The following AZIN2 variants were observed in gnomAD, a reference collection of about 807,000 sequenced individuals.
AZIN2 encodes antizyme inhibitor 2, also known as ODC antizyme inhibitor-2.
Under a neutral mutation model 47.8 loss-of-function variants are expected in AZIN2, and 28 were observed. The observed-to-expected ratio is 0.59, with a 90% CI of 0.43 to 0.80. AZIN2 has a LOEUF of 0.80. AZIN2 is among the 30% of genes least tolerant of loss of function. The pLI, the probability that AZIN2 is intolerant of heterozygous loss-of-function variation, is 0.00. For synonymous variants in AZIN2, 221 were observed against 239.4 expected (o/e 0.92, Z 0.71); for missense variants, 535 against 582.5 (o/e 0.92, Z 0.84).
chr1:33,082,095 A>C, intron 3 of AZIN2, 83 bp from the exon 4 acceptor site: 4 of 660,418 alleles, frequency 6.1e-6, no homozygotes, highest in Non-Finnish European at 1.1e-5. Flanking sequence ...TTGTGACGGG[A>C]TTGGGATCCC....
At chr1:33,166,475 T>G in the AZIN2 span, among the ~76,000 whole-genome samples, 1 of 152,138 alleles carries the variant, frequency 6.6e-6, no homozygotes, top group Non-Finnish European at 1.5e-5. Context: ...CTCCGAGGGC[T>G]ACAGTGGGCT....
chr1:33,166,659 C>T, the AZIN2 span, among the ~76,000 whole-genome samples: 2 of 152,140 alleles, frequency 1.3e-5, no homozygotes, highest in Admixed American at 6.5e-5. Context: ...AATTGGAACC[C>T]GGACAGCCTG....
intron 9 of AZIN2, 96 bp from the exon 10 acceptor site, chr1:33,097,971 C>T (rs1643330852): frequency 1.2e-6 from 1 of 813,266 alleles, no homozygotes. Flanking sequence ...AATGGGTAGC[C>T]ATTTTGCTTC....
chr1:33,145,089 C>T, the AZIN2 span, among the ~76,000 whole-genome samples: 2 of 152,206 alleles, frequency 1.3e-5, no homozygotes, highest in Non-Finnish European at 2.9e-5. Flanking sequence ...AGGCTCTTGC[C>T]ACTGCCCCAT....
downstream of AZIN2, among the ~76,000 whole-genome samples, chr1:33,127,187 C>A (rs937668009): frequency 6.6e-6 from 1 of 152,250 alleles, no homozygotes; most frequent in African/African-American, 2.4e-5. Context: ...CTCATCTGAG[C>A]ATATGAGACT....
intron 10 of AZIN2, among the ~76,000 whole-genome samples, chr1:33,108,949 C>T (rs1176319383): frequency 3.3e-5 from 5 of 152,162 alleles, no homozygotes; most frequent in South Asian, 2.1e-4. Flanking sequence ...AATTGCCAAA[C>T]GGTATTTCAA....
the AZIN2 span, chr1:33,142,349 G>C: frequency 6.6e-6 from 1 of 152,354 alleles, no homozygotes; most frequent in South Asian, 2.1e-4. Context: ...GCTGCCAAGA[G>C]AATGTATCTC....
intron 8 of AZIN2, among the ~76,000 whole-genome samples, chr1:33,096,455 A>G (rs1412644640): frequency 2.0e-5 from 3 of 152,224 alleles, no homozygotes; most frequent in Non-Finnish European, 4.4e-5. Flanking sequence ...TGATATGAAG[A>G]GGACTCCTTC....
At chr1:33,087,763 G>A (rs376190753) in intron 5 of AZIN2, among the ~76,000 whole-genome samples, 1 of 141,438 alleles carries the variant, frequency 7.1e-6, no homozygotes, top group Non-Finnish European at 1.6e-5. Context: ...AAAAAAAAAA[G>A]ACTCAACAGT....
At chr1:33,162,243 A>G in the AZIN2 span, among the ~76,000 whole-genome samples, 1 of 152,048 alleles carries the variant, frequency 6.6e-6, no homozygotes, top group African/African-American at 2.4e-5. Context: ...GGACCTTCTC[A>G]ATTTAACCCT....
At chr1:33,156,023 C>A in the AZIN2 span, among the ~76,000 whole-genome samples, 1 of 152,220 alleles carries the variant, frequency 6.6e-6, no homozygotes, top group Non-Finnish European at 1.5e-5. Flanking sequence ...GCCCCACTGG[C>A]TTTGGTGCCC....
chr1:33,137,396 T>G, the AZIN2 span, among the ~76,000 whole-genome samples: 1 of 152,218 alleles, frequency 6.6e-6, no homozygotes, highest in Non-Finnish European at 1.5e-5. Context: ...CCCATAATAA[T>G]TATTATGTTA....
chr1:33,092,114 G>C lies in AZIN2; in HGVS notation c.344G>C (p.Cys115Ser). Residue 115 changes from cysteine (C) to serine (S), a missense_variant, in exon 6 of 12, where the codon TGT becomes TCT. By Grantham distance (112) the Cys-to-Ser change is moderately radical. Around this residue, in one of 3 missense-constraint regions of AZIN2, gnomAD observed 409 missense variants for 429.0 expected, o/e 0.95. Transcript: ENST00000294517. ...AGTAAGATCATCTGCGCCAACCCCT[G>C]TAAGCAAATTGCACAGATCAAATAT... is the stretch of plus-strand genomic sequence containing the variant. ...PASKIICANP[C>S]KQIAQIKYAA... 1 of 1,614,162 alleles carries C rather than the reference G, an allele frequency of 6.2e-7. No homozygotes were observed. Among genetic ancestry groups the C allele is most frequent in the Non-Finnish European group, 8.5e-7 (1 of 1,180,018 alleles).
the AZIN2 span, chr1:33,159,800 G>A: frequency 8.9e-5 from 143 of 1,613,708 alleles, 1 homozygote; most frequent in East Asian, 1.6e-3. The surrounding 1 kb of genome is among the most constrained non-coding windows in gnomAD (Gnocchi z 4.2). Context: ...TGGCTGTAGC[G>A]CTGGACTTTC....
chr1:33,085,581 G>C (rs1205517697), intron 5 of AZIN2, among the ~76,000 whole-genome samples: 1 of 152,144 alleles, frequency 6.6e-6, no homozygotes, highest in Non-Finnish European at 1.5e-5. Flanking sequence ...TGTGAGGAGA[G>C]TTCTAGAAAG....
At chr1:33,149,254 G>A in the AZIN2 span, among the ~76,000 whole-genome samples, 1 of 152,222 alleles carries the variant, frequency 6.6e-6, no homozygotes, top group Non-Finnish European at 1.5e-5. Flanking sequence ...CCAGGTTCAA[G>A]TGATTCTCAT....
At chr1:33,101,992 A>C (rs1294818895) in intron 10 of AZIN2, 7 of 690,802 alleles carry the variant, frequency 1.0e-5, no homozygotes, top group Middle Eastern at 2.4e-4. Context: ...TGCTGCTGTG[A>C]ATTCTTGTTT....
At chr1:33,091,036 T>C (rs1360839288) in intron 5 of AZIN2, among the ~76,000 whole-genome samples, 1 of 152,230 alleles carries the variant, frequency 6.6e-6, no homozygotes, top group Non-Finnish European at 1.5e-5. Context: ...TTCCTGCATT[T>C]TTAAGGTTGA....
the AZIN2 span, chr1:33,158,412 C>T: frequency 1.3e-6 from 2 of 1,576,898 alleles, no homozygotes; most frequent in Non-Finnish European, 1.7e-6. Context: ...GGACTGGATT[C>T]CTGCCCCAAT....
Sources: gnomAD v4.1 joint callset for allele counts (sites outside exome capture counted in the v4.1 genomes callset) on GRCh38, gnomAD v4.1.1 for gene constraint, gnomAD v4.1.1 regional missense constraint, Gnocchi (gnomAD v3.1) non-coding constraint, MANE v1.5 for transcripts, NCBI Gene and HGNC (gene_info 2026-07-23, HGNC 2026-07-21) for gene names.